Variants in DLG2 observed in about 807,000 individuals in gnomAD.
DLG2 encodes the protein discs large MAGUK scaffold protein 2.
A neutral mutation model predicts 132.5 loss-of-function variants in DLG2; 45 were observed. That is an observed-to-expected ratio of 0.34 (90% CI 0.27 to 0.44). The LOEUF (loss-of-function observed/expected upper bound fraction) is 0.44. Ranked by LOEUF, DLG2 falls within the 20% of genes least tolerant of loss-of-function variation. The pLI is 1.00. For synonymous variants in DLG2, 424 were observed against 419.6 expected (o/e 1.01, Z -0.13); for missense variants, 1,045 against 1,196.9 (o/e 0.87, Z 1.87).
intron 8 of DLG2, among the ~76,000 whole-genome samples, chr11:84,178,412 G>T (rs2096027615): frequency 6.6e-6 from 1 of 152,110 alleles, no homozygotes; most frequent in Non-Finnish European, 1.5e-5. Flanking sequence ...GGAAGTTTGA[G>T]TGCATATGAA....
At chr11:85,048,680 A>G (rs2062592273) in intron 6 of DLG2, among the ~76,000 whole-genome samples, 1 of 152,060 alleles carries the variant, frequency 6.6e-6, no homozygotes. Flanking sequence ...GTAAAAATAG[A>G]GTCGGGACAA....
At chr11:84,890,499 T>A (rs2089185045) in intron 6 of DLG2, among the ~76,000 whole-genome samples, 1 of 152,160 alleles carries the variant, frequency 6.6e-6, no homozygotes, top group Non-Finnish European at 1.5e-5. Flanking sequence ...ATATGTTCTC[T>A]CCCCGGAGGA....
At chr11:83,499,864 T>G (rs2094364253) in intron 21 of DLG2, among the ~76,000 whole-genome samples, 1 of 56,690 alleles carries the variant, frequency 1.8e-5, no homozygotes, top group Admixed American at 1.4e-4. Context: ...TATATATATA[T>G]ATATATATAT....
At chr11:83,471,169 T>A (rs1173145400) in intron 24 of DLG2, among the ~76,000 whole-genome samples, 1 of 152,140 alleles carries the variant, frequency 6.6e-6, no homozygotes, top group Non-Finnish European at 1.5e-5. Flanking sequence ...AACCTGGGAC[T>A]GTCAACATGG....
intron 6 of DLG2, among the ~76,000 whole-genome samples, chr11:84,972,224 A>T (rs1014629362): frequency 1.3e-5 from 2 of 152,196 alleles, no homozygotes; most frequent in Non-Finnish European, 2.9e-5. Flanking sequence ...AAAGACCACA[A>T]GATTTATGAG....
chr11:84,167,626 T>C (rs2095699434), intron 8 of DLG2, among the ~76,000 whole-genome samples: 1 of 152,172 alleles, frequency 6.6e-6, no homozygotes, highest in South Asian at 2.1e-4. Context: ...GCCACCTTTG[T>C]AGCTTCATTA....
intron 11 of DLG2, among the ~76,000 whole-genome samples, chr11:83,993,218 G>A (rs1159038875): frequency 6.6e-6 from 1 of 152,082 alleles, no homozygotes; most frequent in Non-Finnish European, 1.5e-5. Context: ...GCACAGTGCT[G>A]ACATATAGTA....
At chr11:85,544,326 C>G (rs910015454) in intron 3 of DLG2, among the ~76,000 whole-genome samples, 10 of 152,028 alleles carry the variant, frequency 6.6e-5, no homozygotes, top group African/African-American at 2.4e-4. Context: ...ATTTCTGAGG[C>G]TTCTGTTCTG....
chr11:83,720,176 C>G (rs2087995626), intron 18 of DLG2, among the ~76,000 whole-genome samples: 1 of 151,026 alleles, frequency 6.6e-6, no homozygotes, highest in Admixed American at 6.6e-5. Flanking sequence ...TGCCTGTAGT[C>G]CCAGCTACTT....
At chr11:84,265,722 TAGCAGC>T (rs1412386263) in intron 7 of DLG2, among the ~76,000 whole-genome samples, 1 of 152,240 alleles carries the variant, frequency 6.6e-6, no homozygotes, top group Admixed American at 6.5e-5. Context: ...GAGGTAGTCT[TAGCAGC>T]AGCAGCAGCA....
At chr11:83,846,654 A>G (rs549291552) in intron 16 of DLG2, among the ~76,000 whole-genome samples, 2 of 152,316 alleles carry the variant, frequency 1.3e-5, no homozygotes, top group Admixed American at 1.3e-4. Flanking sequence ...AGAATTAGGC[A>G]CACATCTGAG....
chr11:83,905,100 T>C (rs1596224512), intron 15 of DLG2, among the ~76,000 whole-genome samples: 1 of 152,144 alleles, frequency 6.6e-6, no homozygotes, highest in African/African-American at 2.4e-5. Flanking sequence ...ATAATAATAA[T>C]ACCCTAAAAC....
At chr11:85,279,619 C>G (rs1041653018) in intron 4 of DLG2, among the ~76,000 whole-genome samples, 1 of 152,040 alleles carries the variant, frequency 6.6e-6, no homozygotes, top group East Asian at 1.9e-4. Flanking sequence ...CCACCATTAC[C>G]CAGGACCTCC....
At chr11:84,277,039 A>T (rs1567156636) in intron 7 of DLG2, among the ~76,000 whole-genome samples, 1 of 152,208 alleles carries the variant, frequency 6.6e-6, no homozygotes, top group African/African-American at 2.4e-5. Context: ...GGAGGAATCC[A>T]GTTGTGGCCA....
chr11:83,475,125 G>C (rs1215356577), intron 22 of DLG2, among the ~76,000 whole-genome samples: 2 of 152,132 alleles, frequency 1.3e-5, no homozygotes, highest in Non-Finnish European at 2.9e-5. Flanking sequence ...GTGGCAATCA[G>C]GTACTGTGTA....
chr11:83,960,140 C>G (rs1029790977), intron 14 of DLG2, among the ~76,000 whole-genome samples: 1 of 151,990 alleles, frequency 6.6e-6, no homozygotes, highest in South Asian at 2.1e-4. Context: ...AAATGCCCTT[C>G]CTCATCTCTT....
At chr11:83,522,687 G>A (rs1330692279) in intron 21 of DLG2, among the ~76,000 whole-genome samples, 1 of 151,946 alleles carries the variant, frequency 6.6e-6, no homozygotes, top group East Asian at 1.9e-4. Flanking sequence ...CAAGGAACTT[G>A]CTATCTATTC....
chr11:84,167,034 C>T (rs2095684975), intron 8 of DLG2: 1 of 532,174 alleles, frequency 1.9e-6, no homozygotes, highest in Admixed American at 2.0e-5. Context: ...CCAGTTCTGG[C>T]CCTAACTGTC....
chr11:83,587,555 G>A (rs796406265), intron 19 of DLG2, among the ~76,000 whole-genome samples: 12 of 152,298 alleles, frequency 7.9e-5, no homozygotes, highest in African/African-American at 2.9e-4. Flanking sequence ...ATAGGCAAAT[G>A]TGCTACTTTT....
Sources: gnomAD v4.1 joint callset for allele counts (sites outside exome capture counted in the v4.1 genomes callset) on GRCh38, gnomAD v4.1.1 for gene constraint, MANE v1.5 for transcripts, NCBI Gene and HGNC (gene_info 2026-07-23, HGNC 2026-07-21) for gene names.